The following UNC13C variants were observed in gnomAD, a reference collection of about 807,000 sequenced individuals.
UNC13C encodes protein unc-13 homolog C.
UNC13C carries 174 observed loss-of-function variants against 245.4 expected under a neutral mutation model. That is an observed-to-expected ratio of 0.71 (90% CI 0.63 to 0.80). The LOEUF (loss-of-function observed/expected upper bound fraction) is 0.80. Ranked by LOEUF, UNC13C falls within the 30% of genes least tolerant of loss-of-function variation. The pLI is 0.00. For synonymous variants in UNC13C, 992 were observed against 895.1 expected (o/e 1.11, Z -1.93); for missense variants, 2,829 against 2,602.9 (o/e 1.09, Z -1.89).
intron 4 of UNC13C, among the ~76,000 whole-genome samples, chr15:54,216,277 A>C (rs1367712127): frequency 2.6e-5 from 4 of 151,970 alleles, no homozygotes; most frequent in Non-Finnish European, 5.9e-5. Context: ...CACATCCTTA[A>C]AATACAAAAA....
intron 28 of UNC13C, among the ~76,000 whole-genome samples, chr15:54,552,762 A>ATATAATATATAT (rs1366674948): frequency 6.3e-5 from 5 of 79,624 alleles, no homozygotes; most frequent in African/African-American, 2.6e-4. Flanking sequence ...ACAATATATA[A>ATATAATATATAT]TATATAGTAC....
At chr15:54,507,939 C>T (rs1034437976) in intron 23 of UNC13C, among the ~76,000 whole-genome samples, 2 of 151,440 alleles carry the variant, frequency 1.3e-5, no homozygotes, top group Non-Finnish European at 1.5e-5. Flanking sequence ...AAATCAGTTT[C>T]GCTATCAGGT....
chr15:54,220,365 A>T (rs1596028796), intron 4 of UNC13C, among the ~76,000 whole-genome samples: 1 of 145,542 alleles, frequency 6.9e-6, no homozygotes, highest in South Asian at 2.2e-4. Context: ...CAAACAGCGC[A>T]TGTTCTCACT....
At chr15:54,079,897 G>A (rs1198758928) in intron 2 of UNC13C, among the ~76,000 whole-genome samples, 1 of 151,800 alleles carries the variant, frequency 6.6e-6, no homozygotes, top group East Asian at 1.9e-4. Flanking sequence ...CAGGTTTTAG[G>A]AGGAAGTCTT....
At chr15:54,371,338 T>G (rs2140883225) in intron 17 of UNC13C, among the ~76,000 whole-genome samples, 1 of 152,264 alleles carries the variant, frequency 6.6e-6, no homozygotes, top group Middle Eastern at 3.4e-3. Flanking sequence ...TTATCAAACA[T>G]TATCAAAATG....
intron 30 of UNC13C, among the ~76,000 whole-genome samples, chr15:54,577,761 C>T (rs943033706): frequency 1.3e-5 from 2 of 152,154 alleles, no homozygotes; most frequent in Non-Finnish European, 2.9e-5. Flanking sequence ...GCGAAACCCT[C>T]ATAAAAAGTC....
chr15:53,903,773 C>T, the UNC13C span, among the ~76,000 whole-genome samples: 37 of 152,008 alleles, frequency 2.4e-4, no homozygotes, highest in African/African-American at 2.9e-4. Flanking sequence ...GGACAAAAAG[C>T]CATATGTATA....
chr15:54,241,027 G>A (rs1198271930), intron 7 of UNC13C, among the ~76,000 whole-genome samples: 1 of 152,122 alleles, frequency 6.6e-6, no homozygotes. Context: ...AGTGGGAGGG[G>A]GATTGAGATA....
intron 13 of UNC13C, chr15:54,321,294 C>G: frequency 2.1e-6 from 1 of 476,428 alleles, no homozygotes; most frequent in South Asian, 1.6e-5. Flanking sequence ...TTCAATTTCC[C>G]TGTACTGTTC....
At chr15:54,161,858 G>A (rs1167140178) in intron 4 of UNC13C, among the ~76,000 whole-genome samples, 1 of 152,080 alleles carries the variant, frequency 6.6e-6, no homozygotes, top group African/African-American at 2.4e-5. Flanking sequence ...TGAGGCAGGA[G>A]AATGGTTTGA....
chr15:54,256,988 C>A (rs1192559313), intron 8 of UNC13C, among the ~76,000 whole-genome samples: 1 of 152,146 alleles, frequency 6.6e-6, no homozygotes, highest in Non-Finnish European at 1.5e-5. Flanking sequence ...AAGGAAAGAA[C>A]AATGTAGCCT....
rs528774789 is a variant in UNC13C at position 54,182,650 on chromosome 15, C to CT, written c.3071+38974dup. On this transcript the variant is annotated intron_variant, in intron 4 of 32. Transcript: ENST00000260323. ...AAATCTATCTCAACCTGGGTGTTTT[C>CT]TTTTTTTTAACAACCCACGATTTAT... 2.3e-4 allele frequency among the ~76,000 whole-genome samples: 35 copies of CT among 151,750 alleles called. No homozygotes were observed. In the South Asian group the frequency reaches 4.8e-3, roughly 21 times the overall value.
chr15:54,006,750 G>A (rs887626242), intron 1 of UNC13C, among the ~76,000 whole-genome samples: 2 of 152,060 alleles, frequency 1.3e-5, no homozygotes, highest in Non-Finnish European at 2.9e-5. Context: ...GTTCCACCTC[G>A]ACATGCTCCC....
chr15:54,178,019 A>T (rs1234540573), intron 4 of UNC13C, among the ~76,000 whole-genome samples: 1 of 152,092 alleles, frequency 6.6e-6, no homozygotes, highest in East Asian at 1.9e-4. Flanking sequence ...TTGATTTTTT[A>T]TAAAAATAAA....
rs146998038 is a variant in UNC13C, at chr15:54,523,993, T to C, written c.5458-1556T>C. Among the ~76,000 whole-genome samples the C allele has an allele frequency of 5.6e-3, 853 of 152,336 alleles. 29 individuals carry two copies. Among genetic ancestry groups the C allele is most frequent in the Admixed American group, 0.041 (626 of 15,302 alleles). On this transcript the variant is annotated intron_variant, in intron 24 of 32. Transcript: ENST00000260323. ...ATTCAGCCTGCATGATTCCTTAGGA[T>C]TGGAGTGGAAAATCCACATATGTTT...
At chr15:54,184,529 G>T (rs2033908406) in intron 4 of UNC13C, among the ~76,000 whole-genome samples, 1 of 151,694 alleles carries the variant, frequency 6.6e-6, no homozygotes, top group East Asian at 1.9e-4. Flanking sequence ...TTGGTTTTTT[G>T]TCCTTGCGAT....
At chr15:54,618,055 G>C (rs746721281) in intron 30 of UNC13C, among the ~76,000 whole-genome samples, 2 of 152,076 alleles carry the variant, frequency 1.3e-5, no homozygotes, top group African/African-American at 2.4e-5. Flanking sequence ...CCAATTAAAA[G>C]CATTATATGA....
chr15:54,370,242 G>A (rs188076807), intron 17 of UNC13C, among the ~76,000 whole-genome samples: 1 of 152,032 alleles, frequency 6.6e-6, no homozygotes, highest in East Asian at 1.9e-4. Flanking sequence ...TCTCTTCATT[G>A]ACCCCATTTA....
chr15:53,994,768 T>C (rs1282126124), intron 1 of UNC13C, among the ~76,000 whole-genome samples: 3 of 152,076 alleles, frequency 2.0e-5, no homozygotes, highest in African/African-American at 7.2e-5. Context: ...TTAATGTGTA[T>C]AGTATAGTGT....
Sources: gnomAD v4.1 joint callset for allele counts (sites outside exome capture counted in the v4.1 genomes callset) on GRCh38, gnomAD v4.1.1 for gene constraint, MANE v1.5 for transcripts, NCBI Gene and HGNC (gene_info 2026-07-23, HGNC 2026-07-21) for gene names.